The following FGF12 variants were observed in gnomAD, a reference collection of about 807,000 sequenced individuals.
The protein encoded by FGF12 is fibroblast growth factor 12.
Under a neutral mutation model 23.6 loss-of-function variants are expected in FGF12, and 14 were observed. The observed-to-expected ratio is 0.59, with a 90% CI of 0.39 to 0.93. FGF12 has a LOEUF of 0.93. FGF12 is among the 40% of genes least tolerant of loss of function. The probability of loss-of-function intolerance (pLI) is 0.00; values close to 1 mark genes in which losing one functional copy is unlikely to be tolerated. For synonymous variants in FGF12, 62 were observed against 77.3 expected (o/e 0.80, Z 1.04); for missense variants, 175 against 217.8 (o/e 0.80, Z 1.24).
chr3:192,584,793 C>G (rs1277432742), intron 2 of FGF12, among the ~76,000 whole-genome samples: 1 of 152,004 alleles, frequency 6.6e-6, no homozygotes, highest in Non-Finnish European at 1.5e-5. Flanking sequence ...GACATTTCCT[C>G]AGGTCTCAAG....
At chr3:192,254,715 A>G (rs1712267423) in intron 4 of FGF12, among the ~76,000 whole-genome samples, 1 of 152,100 alleles carries the variant, frequency 6.6e-6, no homozygotes, top group African/African-American at 2.4e-5. Flanking sequence ...TCCAATGGGA[A>G]GACATTAAGT....
chr3:192,555,648 A>G (rs1370209698), intron 2 of FGF12, among the ~76,000 whole-genome samples: 1 of 150,584 alleles, frequency 6.6e-6, no homozygotes, highest in African/African-American at 2.4e-5. Flanking sequence ...AAAAAAAAAA[A>G]AAGGCCAGGT....
chr3:192,284,339 C>T (rs886646814), intron 4 of FGF12, among the ~76,000 whole-genome samples: 1 of 152,098 alleles, frequency 6.6e-6, no homozygotes, highest in African/African-American at 2.4e-5. Flanking sequence ...AAATGTAAAT[C>T]TGGTTAATAT....
chr3:192,529,099 T>C (rs1327496101), intron 2 of FGF12, among the ~76,000 whole-genome samples: 1 of 152,242 alleles, frequency 6.6e-6, no homozygotes, highest in Non-Finnish European at 1.5e-5. Context: ...GATTTTCTTT[T>C]CTATCGCATT....
At chr3:192,591,950 T>C (rs1484994753) in intron 2 of FGF12, among the ~76,000 whole-genome samples, 4 of 151,582 alleles carry the variant, frequency 2.6e-5, no homozygotes, top group African/African-American at 7.3e-5. Context: ...ATCTCAGTGG[T>C]TTAACCAGAA....
chr3:192,487,848 G>A (rs1379679131), intron 2 of FGF12, among the ~76,000 whole-genome samples: 2 of 152,040 alleles, frequency 1.3e-5, no homozygotes, highest in African/African-American at 4.8e-5. Flanking sequence ...AAGGGTATTA[G>A]GTCGGGAATT....
At chr3:192,575,884 A>G (rs1712859421) in intron 2 of FGF12, among the ~76,000 whole-genome samples, 1 of 152,138 alleles carries the variant, frequency 6.6e-6, no homozygotes, top group Admixed American at 6.6e-5. Context: ...TATTATGTTG[A>G]TATTGTTACT....
chr3:192,643,552 T>G (rs917487886), intron 2 of FGF12, among the ~76,000 whole-genome samples: 12 of 152,172 alleles, frequency 7.9e-5, no homozygotes, highest in Non-Finnish European at 1.8e-4. Context: ...TATTACACTA[T>G]TTTTCCTTGT....
intron 5 of FGF12, among the ~76,000 whole-genome samples, chr3:192,156,002 C>T (rs1221536157): frequency 2.0e-5 from 3 of 152,098 alleles, no homozygotes; most frequent in East Asian, 1.9e-4. Flanking sequence ...TGTTATAATG[C>T]GCAATATTAT....
At chr3:192,158,332 C>CTCTTTCTTTCTT (rs375016082) in intron 5 of FGF12, among the ~76,000 whole-genome samples, 2,046 of 112,360 alleles carry the variant, frequency 0.018, 51 homozygotes, top group African/African-American at 0.031. Context: ...TTCTTTCTTT[C>CTCTTTCTTTCTT]TCTTTCTTTC....
chr3:192,487,332 T>A (rs1428986808), intron 2 of FGF12, among the ~76,000 whole-genome samples: 1 of 152,168 alleles, frequency 6.6e-6, no homozygotes, highest in Non-Finnish European at 1.5e-5. Flanking sequence ...ACTTGATCTT[T>A]TTTTTCTAAA....
chr3:192,415,117 A>G lies in FGF12; in HGVS notation c.14-54579T>C, dbSNP rs143996961. ...AAATTTCCTCCATTTTCATTCCTTA[A>G]AAATGTACATTGGTTTGGCTTATAC... On this transcript the variant is annotated intron_variant, in intron 2 of 5. Transcript: ENST00000445105. Among the ~76,000 whole-genome samples the G allele has an allele frequency of 2.6e-5, 4 of 152,278 alleles. No homozygotes were observed. In the East Asian group the frequency reaches 7.7e-4, roughly 29 times the overall value.
At chr3:192,583,030 C>T (rs571661125) in intron 2 of FGF12, among the ~76,000 whole-genome samples, 13 of 152,310 alleles carry the variant, frequency 8.5e-5, no homozygotes, top group African/African-American at 3.1e-4. Flanking sequence ...TCTTTCCAGA[C>T]CATCCCCTTT....
intron 5 of FGF12, among the ~76,000 whole-genome samples, chr3:192,155,084 C>T (rs936688393): frequency 6.6e-5 from 10 of 150,798 alleles, no homozygotes; most frequent in Non-Finnish European, 1.3e-4. Flanking sequence ...TTTCCAGGTG[C>T]GTCTGTCACC....
At chr3:192,300,453 TG>T (rs1715277719) in intron 4 of FGF12, among the ~76,000 whole-genome samples, 1 of 152,068 alleles carries the variant, frequency 6.6e-6, no homozygotes, top group Admixed American at 6.6e-5. Context: ...ATTACAATCC[TG>T]GACTACCAAT....
chr3:192,519,164 A>T (rs1240114466), intron 2 of FGF12, among the ~76,000 whole-genome samples: 1 of 152,176 alleles, frequency 6.6e-6, no homozygotes, highest in Non-Finnish European at 1.5e-5. Flanking sequence ...TGCAGCTCTC[A>T]CCAGCTCTTC....
chr3:192,175,695 G>C (rs1715821405), intron 4 of FGF12, among the ~76,000 whole-genome samples: 1 of 152,092 alleles, frequency 6.6e-6, no homozygotes, highest in South Asian at 2.1e-4. Flanking sequence ...TGCCTCAAAA[G>C]TTAAAATCTC....
At chr3:192,157,471 C>A (rs1327803247) in intron 5 of FGF12, among the ~76,000 whole-genome samples, 1 of 151,954 alleles carries the variant, frequency 6.6e-6, no homozygotes, top group Non-Finnish European at 1.5e-5. Context: ...AAAAACAATC[C>A]ATTTTCTCTT....
At chr3:192,165,922 C>CTCA (rs1200051182) in intron 5 of FGF12, among the ~76,000 whole-genome samples, 1 of 152,126 alleles carries the variant, frequency 6.6e-6, no homozygotes, top group Admixed American at 6.5e-5. Flanking sequence ...ATTACGTTTC[C>CTCA]TCATCTATAA....
Sources: allele counts gnomAD v4.1 joint callset (sites outside exome capture counted in the v4.1 genomes callset), GRCh38; gene constraint gnomAD v4.1.1; transcripts MANE v1.5; gene names NCBI Gene and HGNC (gene_info 2026-07-23, HGNC 2026-07-21).